ANTXR1: variants seen among roughly 807,000 people sequenced by gnomAD.
ANTXR1 encodes anthrax toxin receptor 1.
ANTXR1 carries 19 observed loss-of-function variants against 78.1 expected under a neutral mutation model. The ratio of observed to expected loss-of-function variants is 0.24; its 90% CI spans 0.17 to 0.36. The LOEUF is 0.36. ANTXR1 is among the 10% of genes least tolerant of loss of function. The pLI, the probability that ANTXR1 is intolerant of heterozygous loss-of-function variation, is 1.00. For missense variants in ANTXR1, 518 were observed against 718.6 expected, an observed-to-expected ratio of 0.72 and a Z score of 3.19; for synonymous variants, 273 against 260.5, an observed-to-expected ratio of 1.05 and a Z score of -0.46.
Position 69,181,839 on chromosome 2 carries a change from T to C in ANTXR1, c.1143T>C (p.Ser381=), listed in dbSNP as rs1177904152. 1 of 1,614,104 alleles carries C rather than the reference T, an allele frequency of 6.2e-7. No individual in the cohort carries two copies. Among genetic ancestry groups the C allele is most frequent in the Admixed American group, 1.7e-5 (1 of 60,028 alleles). Residue 381 remains serine, a synonymous_variant, in exon 15 of 18, where the codon TCT becomes TCC. Transcript: ENST00000303714. ...PKKKWPTVDA[S]YYGGRGVGGI... ...AAAAGTGGCCAACGGTAGACGCCTC[T>C]TATTATGGTGGGAGAGGCGTTGGAG...
Position 69,182,618 on chromosome 2 carries a change from G to A in ANTXR1, c.1311G>A (p.Met437Ile), listed in dbSNP as rs760249600. 1 of 1,614,146 alleles carries A rather than the reference G, an allele frequency of 6.2e-7. No individual in the cohort carries two copies. The highest frequency in any genetic ancestry group is 1.1e-5 in the South Asian group (1 of 91,070). ...FPEPRNLNNN[M>I]RRPSSPRKWY... ...AGCCGCGAAATCTCAACAACAATATGCGTCGGCCTTCTTCCCCCCGGAAGT... is the reference window on the plus strand; with the variant it reads ...AGCCGCGAAATCTCAACAACAATATACGTCGGCCTTCTTCCCCCCGGAAGT... The change falls in exon 16 of 18, where the codon ATG becomes ATA. Residue 437 changes from methionine to isoleucine, a missense_variant. This residue lies in a region of ANTXR1 where 192 missense variants were observed against 230.2 expected (regional missense o/e 0.83). Coordinates refer to ENST00000303714, the MANE Select transcript of ANTXR1 (RefSeq NM_032208.3).
At chr2:69,188,280 T>A (rs1359766315) in intron 16 of ANTXR1, among the ~76,000 whole-genome samples, 1 of 152,168 alleles carries the variant, frequency 6.6e-6, no homozygotes, top group African/African-American at 2.4e-5. Flanking sequence ...CTAATTTTTT[T>A]AATTTTTTGT....
chr2:69,028,026 T>A (rs1163809217), intron 1 of ANTXR1, among the ~76,000 whole-genome samples: 2 of 152,114 alleles, frequency 1.3e-5, no homozygotes, highest in Non-Finnish European at 2.9e-5. Flanking sequence ...GATGCAGGCA[T>A]GTTTAAGGAA....
chr2:69,109,638 C>A (rs1395018728), intron 10 of ANTXR1, among the ~76,000 whole-genome samples: 1 of 149,666 alleles, frequency 6.7e-6, no homozygotes, highest in Non-Finnish European at 1.5e-5. Context: ...GACAACTGGC[C>A]AACCACTTGG....
At chr2:69,056,648 A>G (rs1187110465) in intron 3 of ANTXR1, among the ~76,000 whole-genome samples, 1 of 152,102 alleles carries the variant, frequency 6.6e-6, no homozygotes, top group Non-Finnish European at 1.5e-5. Context: ...TGCATAAGCT[A>G]TAATATATAT....
At chr2:69,100,172 C>T (rs1173890482) in intron 9 of ANTXR1, among the ~76,000 whole-genome samples, 1 of 152,180 alleles carries the variant, frequency 6.6e-6, no homozygotes, top group Non-Finnish European at 1.5e-5. Context: ...AGTTAAATCA[C>T]TATGTCCTGG....
chr2:69,076,370 T>C (rs1475243605), intron 7 of ANTXR1, among the ~76,000 whole-genome samples: 3 of 152,160 alleles, frequency 2.0e-5, no homozygotes. Context: ...CACAAAAATA[T>C]GGAAATAATT....
chr2:69,059,548 G>C (rs1337092636), intron 3 of ANTXR1, among the ~76,000 whole-genome samples: 1 of 151,390 alleles, frequency 6.6e-6, no homozygotes, highest in Non-Finnish European at 1.5e-5. Context: ...GCACGATCTT[G>C]GCTCACTGCA....
chr2:69,013,511 G>A lies in ANTXR1; in HGVS notation c.12G>A (p.Ala4=), dbSNP rs1490017509. 3 of 1,588,928 alleles carry A rather than the reference G, an allele frequency of 1.9e-6. No individual in the cohort carries two copies. Among genetic ancestry groups the A allele is most frequent in the Non-Finnish European group, 2.6e-6 (3 of 1,169,708 alleles). MAT[A]ERRALGIGFQ... ...CCGGGCTGCGGGCCATGGCCACGGC[G>A]GAGCGGAGAGCCCTCGGCATCGGCT... The change falls in exon 1 of 18, where the codon GCG becomes GCA. Residue 4 remains alanine, a synonymous_variant. Transcript: ENST00000303714. This position sits in a 1 kb window ranked among gnomAD's most constrained non-coding sequence, Gnocchi z 5.0.
chr2:69,179,505 C>G (rs535373544), intron 14 of ANTXR1, among the ~76,000 whole-genome samples: 1 of 143,368 alleles, frequency 7.0e-6, no homozygotes, highest in South Asian at 2.2e-4. Context: ...GCCTGGGTGA[C>G]AGAGTGAGAC....
chr2:69,091,827 C>T (rs1671249970), intron 9 of ANTXR1, among the ~76,000 whole-genome samples: 2 of 152,170 alleles, frequency 1.3e-5, no homozygotes, highest in African/African-American at 2.4e-5. Flanking sequence ...TAGCCTTCTT[C>T]GAGTCACAAG....
chr2:69,145,872 T>G, intron 12 of ANTXR1: 2 of 986,076 alleles, frequency 2.0e-6, no homozygotes, highest in Non-Finnish European at 2.4e-6. Context: ...ATGCCATGCA[T>G]TAAAAATCCA....
intron 17 of ANTXR1, among the ~76,000 whole-genome samples, chr2:69,207,643 G>T (rs1347491152): frequency 6.6e-6 from 1 of 152,050 alleles, no homozygotes; most frequent in Non-Finnish European, 1.5e-5. Flanking sequence ...TCCTTCATGT[G>T]TAGAAAAACA....
intron 10 of ANTXR1, among the ~76,000 whole-genome samples, chr2:69,107,863 T>A (rs930534775): frequency 1.3e-5 from 2 of 152,078 alleles, no homozygotes; most frequent in Admixed American, 1.3e-4. Context: ...TTCTTTAACA[T>A]AAAAATGTAT....
intron 12 of ANTXR1, among the ~76,000 whole-genome samples, chr2:69,151,725 A>G (rs979811171): frequency 6.6e-6 from 1 of 152,124 alleles, no homozygotes; most frequent in Admixed American, 6.5e-5. Flanking sequence ...AATCTGTTAC[A>G]TGCACCTGTG....
intron 3 of ANTXR1, among the ~76,000 whole-genome samples, chr2:69,063,594 A>G (rs1670310068): frequency 6.6e-6 from 1 of 151,994 alleles, no homozygotes; most frequent in African/African-American, 2.4e-5. Flanking sequence ...TAAAATAAAG[A>G]AGAAGAAGGA....
At chr2:69,118,380 G>C (rs10170709) in intron 10 of ANTXR1, among the ~76,000 whole-genome samples, 4,963 of 152,182 alleles carry the variant, frequency 0.033, 265 homozygotes, top group African/African-American at 0.11. Flanking sequence ...GCAGTGAGCC[G>C]TGATTGCACC....
intron 1 of ANTXR1, among the ~76,000 whole-genome samples, chr2:69,015,382 C>G (rs1300325845): frequency 2.0e-5 from 3 of 149,506 alleles, no homozygotes; most frequent in Non-Finnish European, 1.5e-5. Context: ...TTAATAAAAA[C>G]AGGATGGTAA....
chr2:69,244,854 C>T lies in ANTXR1; in HGVS notation c.1435-371C>T, dbSNP rs188266871. ...TTGTGTGGCCTTGAAAAAGTAACTC[C>T]GCTTTTCTGAACCTCTGCTTCCTCA... On this transcript the variant is annotated intron_variant, in intron 17 of 17. Coordinates refer to ENST00000303714, the MANE Select transcript of ANTXR1 (RefSeq NM_032208.3). 5.5e-4 allele frequency among the ~76,000 whole-genome samples: 84 copies of T among 152,258 alleles called. No individual in the cohort carries two copies. The Middle Eastern group carries it at 0.01, about 18-fold the overall frequency.
Sources: allele counts gnomAD v4.1 joint callset (sites outside exome capture counted in the v4.1 genomes callset), GRCh38; gene constraint gnomAD v4.1.1; regional missense constraint gnomAD v4.1.1; non-coding constraint Gnocchi (gnomAD v3.1); transcripts MANE v1.5; gene names NCBI Gene and HGNC (gene_info 2026-07-23, HGNC 2026-07-21).